CLTC: variants seen among roughly 807,000 people sequenced by gnomAD.
The protein encoded by CLTC is clathrin heavy chain, also known as clathrin heavy chain 1.
Under a neutral mutation model 195.8 loss-of-function variants are expected in CLTC, and 16 were observed. The observed-to-expected ratio is 0.08, with a 90% CI of 0.06 to 0.12. The LOEUF is 0.12. CLTC is among the 10% of genes least tolerant of loss of function. The pLI is 1.00. For synonymous variants in CLTC, 667 were observed against 689.4 expected (o/e 0.97, Z 0.51); for missense variants, 796 against 2,027.0 (o/e 0.39, Z 11.66).
intron 17 of CLTC, among the ~76,000 whole-genome samples, chr17:59,678,264 G>T (rs556837169): frequency 3.3e-5 from 5 of 152,138 alleles, no homozygotes; most frequent in Non-Finnish European, 4.4e-5. Flanking sequence ...GTTGTAACAT[G>T]TCTTTATTAC....
intron 1 of CLTC, 127 bp from the exon 2 acceptor site, chr17:59,644,149 A>G: frequency 2.9e-6 from 2 of 700,148 alleles, no homozygotes; most frequent in Admixed American, 5.8e-5. Flanking sequence ...TCTTTAATTA[A>G]CATAATGTAG....
intron 5 of CLTC, among the ~76,000 whole-genome samples, chr17:59,654,519 C>T (rs760836632): frequency 1.3e-5 from 2 of 151,880 alleles, no homozygotes; most frequent in African/African-American, 2.4e-5. Flanking sequence ...CTCACTCTGT[C>T]GCCCAGGCTG....
At chr17:59,658,569 AGG>A (rs1161545757) in intron 6 of CLTC, 2 of 152,252 alleles carry the variant, frequency 1.3e-5, no homozygotes, top group Admixed American at 6.5e-5. Context: ...TATTCCCTGA[AGG>A]AATGAGTAAG....
intron 1 of CLTC, among the ~76,000 whole-genome samples, chr17:59,626,001 TA>T (rs1374321676): frequency 6.6e-6 from 1 of 152,238 alleles, no homozygotes; most frequent in Non-Finnish European, 1.5e-5. Context: ...TTTTGTCCAG[TA>T]CATTTTATTC....
intron 31 of CLTC, 43 bp from the exon 32 acceptor site, chr17:59,693,685 C>T: frequency 6.3e-7 from 1 of 1,582,174 alleles, no homozygotes; most frequent in South Asian, 1.1e-5. Context: ...GTCCTGCCTC[C>T]TTGCCCCTGC....
intron 18 of CLTC, 78 bp from the exon 19 acceptor site, chr17:59,680,834 T>A (rs1475879845): frequency 1.9e-5 from 23 of 1,229,092 alleles, no homozygotes; most frequent in Non-Finnish European, 2.3e-5. Flanking sequence ...TATTTCAAGT[T>A]TTCTAATGAG....
chr17:59,682,318 G>A lies in CLTC; in HGVS notation c.3490G>A (p.Ala1164Thr). 2 of 1,614,082 alleles carry A rather than the reference G, an allele frequency of 1.2e-6. No individual in the cohort carries two copies. The highest frequency in any genetic ancestry group is 1.1e-5 in the South Asian group (1 of 91,082). Residue 1164 changes from alanine to threonine, a missense_variant, in exon 22 of 32, where the codon GCT becomes ACT. Coordinates refer to ENST00000269122, the MANE Select transcript of CLTC (RefSeq NM_004859.4). The surrounding 1 kb of genome is among the most constrained non-coding windows in gnomAD (Gnocchi z 6.8). ...VKYLQMARKK[A>T]RESYVETELI... ...GTACTTGCAGATGGCCCGTAAGAAG[G>A]CTCGAGAGTCCTATGTGGAGACAGA... is the stretch of plus-strand genomic sequence containing the variant.
At chr17:59,679,077 G>C (rs2143585711) in intron 17 of CLTC, among the ~76,000 whole-genome samples, 1 of 152,268 alleles carries the variant, frequency 6.6e-6, no homozygotes, top group African/African-American at 2.4e-5. Context: ...TCAGGGCTTA[G>C]TTACATTTAT....
chr17:59,686,634 A>AT (rs2033190897), intron 30 of CLTC, among the ~76,000 whole-genome samples: 1 of 152,136 alleles, frequency 6.6e-6, no homozygotes. Flanking sequence ...AAGAATTAAC[A>AT]TTTTCTGTAT....
chr17:59,671,183 G>A (rs894502967), intron 14 of CLTC: 1 of 152,092 alleles, frequency 6.6e-6, no homozygotes, highest in South Asian at 2.1e-4. Context: ...CTCTTTGAAG[G>A]AATTTACTTC....
chr17:59,635,688 A>G (rs2031839800), intron 1 of CLTC, among the ~76,000 whole-genome samples: 1 of 152,210 alleles, frequency 6.6e-6, no homozygotes, highest in Admixed American at 6.5e-5. Context: ...ATTGAATTAA[A>G]TATATTAATA....
chr17:59,660,656 C>T, intron 7 of CLTC, 68 bp downstream of exon 7: 1 of 1,474,566 alleles, frequency 6.8e-7, no homozygotes, highest in Admixed American at 1.7e-5. Context: ...TCTTATATTA[C>T]TAGAAAAGGA....
intron 2 of CLTC, 66 bp downstream of exon 2, chr17:59,644,549 T>G (rs745346507): frequency 4.8e-5 from 59 of 1,223,304 alleles, no homozygotes; most frequent in Middle Eastern, 2.0e-4. Flanking sequence ...GTTTTTTTTT[T>G]GTTTGTTTGT....
chr17:59,690,672 G>C lies in CLTC; in HGVS notation c.4864G>C (p.Glu1622Gln). The C allele has an allele frequency of 2.5e-6, 4 of 1,612,890 alleles. No homozygotes were observed. Among genetic ancestry groups the C allele is most frequent in the Non-Finnish European group, 3.4e-6 (4 of 1,179,414 alleles). Residue 1622 changes from glutamate to glutamine, a missense_variant, in exon 31 of 32, where the codon GAA (glutamate) becomes CAA (glutamine). This residue lies in a region of CLTC where 148 missense variants were observed against 279.5 expected (regional missense o/e 0.53). Coordinates refer to ENST00000269122, the MANE Select transcript of CLTC (RefSeq NM_004859.4). ...AGATGCTTCAGAATCACTGAGAAAA[G>C]AAGAAGAACAAGCTACAGAGACACA... Reference protein sequence around the residue: ...KLDASESLRKEEEQATETQPI... With the variant: ...KLDASESLRKQEEQATETQPI...
At chr17:59,690,777 T>C in intron 31 of CLTC, 66 bp downstream of exon 31, 1 of 1,223,090 alleles carries the variant, frequency 8.2e-7, no homozygotes, top group Non-Finnish European at 1.2e-6. Context: ...AGACTGTGCC[T>C]CAAAATAGAA....
intron 30 of CLTC, among the ~76,000 whole-genome samples, chr17:59,686,796 T>G (rs2033194541): frequency 6.6e-6 from 1 of 152,250 alleles, no homozygotes; most frequent in South Asian, 2.1e-4. Context: ...TCTTTCATAC[T>G]GTAGCATAAA....
chr17:59,693,863 T>G lies in CLTC; in HGVS notation c.*11T>G. On this transcript the variant is annotated 3_prime_UTR_variant, in exon 32 of 32. Transcript: ENST00000269122. ...GGGTACAGCATGTGAGATGAAGCGC[T>G]GATCCTGTAGTCACCTATTTTCGTA... is the stretch of plus-strand genomic sequence containing the variant. The G allele has an allele frequency of 6.2e-7, 1 of 1,606,778 alleles. No individual in the cohort carries two copies. The highest frequency in any genetic ancestry group is 8.5e-7 in the Non-Finnish European group (1 of 1,176,518).
chr17:59,690,322 C>T (rs2143612984), intron 30 of CLTC: 1 of 239,922 alleles, frequency 4.2e-6, no homozygotes, highest in East Asian at 8.6e-5. Context: ...CAGTTTTAAA[C>T]TTCATTTGAA....
At chr17:59,620,769 G>A (rs1193396073) in intron 1 of CLTC, among the ~76,000 whole-genome samples, 1 of 152,194 alleles carries the variant, frequency 6.6e-6, no homozygotes, top group East Asian at 1.9e-4. Context: ...AGTAGGGACA[G>A]AAGGTCACTG....
Sources: allele counts gnomAD v4.1 joint callset (sites outside exome capture counted in the v4.1 genomes callset), GRCh38; gene constraint gnomAD v4.1.1; regional missense constraint gnomAD v4.1.1; non-coding constraint Gnocchi (gnomAD v3.1); transcripts MANE v1.5; gene names NCBI Gene and HGNC (gene_info 2026-07-23, HGNC 2026-07-21).